The following KIAA0513 variants were observed in gnomAD, a reference collection of about 807,000 sequenced individuals.
KIAA0513 encodes KIAA0513.
Under a neutral mutation model 56.5 loss-of-function variants are expected in KIAA0513, and 39 were observed. The ratio of observed to expected loss-of-function variants is 0.69; its 90% CI spans 0.53 to 0.90. The LOEUF (loss-of-function observed/expected upper bound fraction) is 0.90, where lower values mean the gene tolerates loss of function less well. Ranked by LOEUF, KIAA0513 falls within the 40% of genes least tolerant of loss-of-function variation. The probability of loss-of-function intolerance (pLI) is 0.00; values close to 1 mark genes in which losing one functional copy is unlikely to be tolerated. For synonymous variants in KIAA0513, 268 were observed against 215.6 expected, an observed-to-expected ratio of 1.24 and a Z score of -2.13; for missense variants, 591 against 535.2, an observed-to-expected ratio of 1.10 and a Z score of -1.03.
chr16:85,063,647 T>A (rs2073437425), intron 1 of KIAA0513: 2 of 152,190 alleles, frequency 1.3e-5, no homozygotes, highest in Non-Finnish European at 2.9e-5. Flanking sequence ...AGACAGTGAC[T>A]TGTTTCCTTT....
intron 1 of KIAA0513, among the ~76,000 whole-genome samples, chr16:85,047,172 C>G (rs547539977): frequency 6.6e-6 from 1 of 152,352 alleles, no homozygotes; most frequent in African/African-American, 2.4e-5. Flanking sequence ...AGCCTTTGTC[C>G]ACTCTTCAGA....
At chr16:85,040,686 AC>A (rs1262981810) in intron 1 of KIAA0513, among the ~76,000 whole-genome samples, 1 of 151,910 alleles carries the variant, frequency 6.6e-6, no homozygotes, top group African/African-American at 2.4e-5. Context: ...TTCAGGTTAA[AC>A]CCTCCCCAAG....
chr16:85,045,575 C>T (rs146249236), intron 1 of KIAA0513, among the ~76,000 whole-genome samples: 24 of 152,286 alleles, frequency 1.6e-4, no homozygotes, highest in Admixed American at 3.9e-4. Context: ...AGACTGGTCT[C>T]GAACTCCTGA....
At chr16:85,078,339 G>A in intron 6 of KIAA0513, 76 bp from the exon 7 acceptor site, 1 of 1,528,114 alleles carries the variant, frequency 6.5e-7, no homozygotes, top group East Asian at 2.3e-5. Flanking sequence ...CACCTTAGAA[G>A]TGTAGAACAG....
chr16:85,071,749 T>TA, intron 2 of KIAA0513, 34 bp from the exon 3 acceptor site: 1 of 1,477,606 alleles, frequency 6.8e-7, no homozygotes, highest in African/African-American at 1.4e-5. Context: ...AGGGTTTTTT[T>TA]TTTTTTTCCT....
intron 2 of KIAA0513, among the ~76,000 whole-genome samples, chr16:85,068,270 C>T (rs2073519105): frequency 6.6e-6 from 1 of 151,822 alleles, no homozygotes. Flanking sequence ...AATTCTCCTG[C>T]CTCAGCCTCC....
At position 85,081,230 on chromosome 16, in the gene KIAA0513, C is replaced by T; in HGVS notation, c.903-85C>T. On this transcript the variant is annotated intron_variant, in intron 8 of 12. Coordinates refer to ENST00000683363, the MANE Select transcript of KIAA0513 (RefSeq NM_001388359.1). This position sits in a 1 kb window ranked among gnomAD's most constrained non-coding sequence, Gnocchi z 4.4. ...AAGCTCAGACAGATGTGAGACACTG[C>T]CCTTGTTTATCCCTCAAGGGGCCCA... The T allele has an allele frequency of 1.7e-6, 2 of 1,192,448 alleles. No homozygotes were observed. The highest frequency in any genetic ancestry group is 1.3e-6 in the Non-Finnish European group (1 of 799,278). 73.9% of individuals were successfully genotyped at this position (1,192,448 alleles called of 1,614,324 possible).
rs1036274992 is a variant in KIAA0513 at position 85,078,997 on chromosome 16, C to G, written c.896C>G (p.Pro299Arg). The part of the protein sequence containing the change: ...IYLYTHLKQQ[P>R]IWHTLRFWNA... ...CTGTACACGCACCTGAAGCAACAGCCCATCTGGTAAGGCCGAGCCCGCGGC... is the reference window on the plus strand; with the variant it reads ...CTGTACACGCACCTGAAGCAACAGCGCATCTGGTAAGGCCGAGCCCGCGGC... The change falls in exon 8 of 13, where the codon CCC becomes CGC. Residue 299 changes from proline (P) to arginine (R), a missense_variant. By Grantham distance (103) the Pro-to-Arg change is moderately radical. Coordinates refer to ENST00000683363, the MANE Select transcript of KIAA0513 (RefSeq NM_001388359.1). 1 of 1,614,150 alleles carries G rather than the reference C, an allele frequency of 6.2e-7. No individual in the cohort carries two copies. Among genetic ancestry groups the G allele is most frequent in the African/African-American group, 1.3e-5 (1 of 75,028 alleles).
intron 1 of KIAA0513, among the ~76,000 whole-genome samples, chr16:85,029,828 C>A (rs1360855876): frequency 6.6e-6 from 1 of 152,222 alleles, no homozygotes; most frequent in African/African-American, 2.4e-5. Context: ...TTTTCCCATG[C>A]AGACTCTTGG....
chr16:85,077,915 C>T (rs1213770932), intron 6 of KIAA0513, among the ~76,000 whole-genome samples: 1 of 152,226 alleles, frequency 6.6e-6, no homozygotes, highest in African/African-American at 2.4e-5. Context: ...CTTCTGTCTC[C>T]TCTGTCCCCT....
chr16:85,055,444 G>A (rs2073314801), intron 1 of KIAA0513, among the ~76,000 whole-genome samples: 1 of 152,162 alleles, frequency 6.6e-6, no homozygotes, highest in Non-Finnish European at 1.5e-5. Context: ...GCCATGTTCT[G>A]CCTCGTCTTC....
chr16:85,049,897 C>A (rs2073225570), intron 1 of KIAA0513, among the ~76,000 whole-genome samples: 1 of 152,194 alleles, frequency 6.6e-6, no homozygotes, highest in African/African-American at 2.4e-5. Context: ...TGTCTCCATG[C>A]CAAGGGGTTG....
chr16:85,086,324 C>T (rs117419169), intron 10 of KIAA0513, among the ~76,000 whole-genome samples: 1,982 of 152,390 alleles, frequency 0.013, 28 homozygotes, highest in Non-Finnish European at 0.018. Flanking sequence ...GGCTCTGGGG[C>T]CACCCTCGCT....
At chr16:85,068,847 G>A (rs780633260) in intron 2 of KIAA0513, among the ~76,000 whole-genome samples, 3 of 152,116 alleles carry the variant, frequency 2.0e-5, no homozygotes, top group Non-Finnish European at 1.5e-5. Flanking sequence ...CCTCATTGTT[G>A]CTAAACACAA....
intron 3 of KIAA0513, among the ~76,000 whole-genome samples, chr16:85,072,204 T>G (rs1222662369): frequency 6.6e-6 from 1 of 151,966 alleles, no homozygotes; most frequent in Non-Finnish European, 1.5e-5. Context: ...CTCTAAAAAT[T>G]AAAAAAGAAT....
chr16:85,092,007 A>G lies in KIAA0513; in HGVS notation c.*3682A>G, dbSNP rs1276570209. On this transcript the variant is annotated 3_prime_UTR_variant, in exon 13 of 13. Coordinates refer to ENST00000683363, the MANE Select transcript of KIAA0513 (RefSeq NM_001388359.1). ...GCCCAGGCTGGAGTGCAGTGACACA[A>G]TCTCTACTCACTGCAACCTCCACCT... The G allele has an allele frequency of 1.3e-5, 2 of 149,040 alleles. No individual in the cohort carries two copies. Among genetic ancestry groups the G allele is most frequent in the African/African-American group, 5.0e-5 (2 of 39,872 alleles). The allele number at this position is 149,040 out of a possible 1,614,324, so 9.2% of individuals were successfully genotyped here. A position where few individuals can be genotyped will look rare whatever the true frequency, so the allele number is the denominator to read the frequency against.
rs1302619776 is a variant in KIAA0513 at position 85,091,178 on chromosome 16, G to A, written c.*2853G>A. The A allele has an allele frequency of 6.6e-6, 1 of 152,238 alleles. No individual in the cohort carries two copies. The highest frequency in any genetic ancestry group is 2.1e-4 in the South Asian group (1 of 4,836). The allele number at this position is 152,238 out of a possible 1,614,324, so 9.4% of individuals were successfully genotyped here. On this transcript the variant is annotated 3_prime_UTR_variant, in exon 13 of 13. Transcript: ENST00000683363. ...AGGCACTCTGCCGCCCGACCTTGAG[G>A]GCTGTGCCAATCCTAGTGAACCAAA...
Position 85,055,234 on chromosome 16 carries a change from G to GT in KIAA0513, c.-172-11657dup, listed in dbSNP as rs201257528. On this transcript the variant is annotated intron_variant, in intron 1 of 12. Coordinates refer to ENST00000683363, the MANE Select transcript of KIAA0513 (RefSeq NM_001388359.1). Reference sequence around the variant, plus strand: ...CCACCGCCCCCAGCCTCTTTTTGTGGTTTTTTTTTGTTTGTTTGATTGCTT... The same window carrying GT: ...CCACCGCCCCCAGCCTCTTTTTGTGGTTTTTTTTTTGTTTGTTTGATTGCTT... Among the ~76,000 whole-genome samples, 227 of 151,202 alleles carry GT rather than the reference G, an allele frequency of 1.5e-3. No homozygotes were observed. In the East Asian group the frequency reaches 0.031, roughly 20 times the overall value.
rs551523697 is a variant in KIAA0513 at position 85,029,236 on chromosome 16, G to A, written c.-173+1378G>A. Among the ~76,000 whole-genome samples, 25 of 152,294 alleles carry A rather than the reference G, an allele frequency of 1.6e-4. No homozygotes were observed. The South Asian group carries it at 5.2e-3, about 32-fold the overall frequency. On this transcript the variant is annotated intron_variant, in intron 1 of 12. Coordinates refer to ENST00000683363, the MANE Select transcript of KIAA0513 (RefSeq NM_001388359.1). ...CATGAGATTTTTTTTCCATTAAAGA[G>A]ATGAAGATGGCGTGGGACTCACATG...
Sources: allele counts gnomAD v4.1 joint callset (sites outside exome capture counted in the v4.1 genomes callset), GRCh38; gene constraint gnomAD v4.1.1; non-coding constraint Gnocchi (gnomAD v3.1); transcripts MANE v1.5; gene names NCBI Gene and HGNC (gene_info 2026-07-23, HGNC 2026-07-21).